The following LAMA2 variants were observed in gnomAD, a reference collection of about 807,000 sequenced individuals.
LAMA2 encodes laminin subunit alpha-2.
In LAMA2, 269 loss-of-function variants were observed where a neutral mutation model predicts 364.8. The observed-to-expected ratio is 0.74, with a 90% CI of 0.67 to 0.82. LAMA2 has a LOEUF of 0.82. Among genes scored for constraint, LAMA2 ranks in the 40% least tolerant of loss-of-function variants. The pLI, the probability that LAMA2 is intolerant of heterozygous loss-of-function variation, is 0.00. For missense variants in LAMA2, 3,807 were observed against 3,873.2 expected, an observed-to-expected ratio of 0.98 and a Z score of 0.45; for synonymous variants, 1,379 against 1,370.6, an observed-to-expected ratio of 1.01 and a Z score of -0.14.
intron 17 of LAMA2, among the ~76,000 whole-genome samples, chr6:129,274,093 A>G (rs1335666416): frequency 6.6e-6 from 1 of 151,914 alleles, no homozygotes; most frequent in East Asian, 1.9e-4. Context: ...TATAAATCCT[A>G]GAAGTTTTGT....
At chr6:129,005,006 A>G (rs1784356974) in intron 1 of LAMA2, among the ~76,000 whole-genome samples, 1 of 152,216 alleles carries the variant, frequency 6.6e-6, no homozygotes, top group South Asian at 2.1e-4. Context: ...TTTATAACAC[A>G]TCTGCTGAGT....
chr6:129,020,353 A>T (rs1785370247), intron 1 of LAMA2, among the ~76,000 whole-genome samples: 2 of 152,164 alleles, frequency 1.3e-5, no homozygotes, highest in African/African-American at 4.8e-5. Context: ...AATAAACTGG[A>T]CAGTTAGACA....
intron 40 of LAMA2, among the ~76,000 whole-genome samples, chr6:129,410,146 C>G (rs9321164): frequency 6.6e-6 from 1 of 151,694 alleles, no homozygotes; most frequent in Admixed American, 6.6e-5. Flanking sequence ...AGAATGAATT[C>G]CATAGTTCAG....
chr6:129,449,070 G>A (rs139507396), intron 45 of LAMA2, among the ~76,000 whole-genome samples: 1 of 152,182 alleles, frequency 6.6e-6, no homozygotes, highest in Admixed American at 6.5e-5. Flanking sequence ...AAAAGGAAAA[G>A]ACTACTGATT....
At chr6:128,895,890 A>C (rs1027038166) in intron 1 of LAMA2, among the ~76,000 whole-genome samples, 2 of 152,132 alleles carry the variant, frequency 1.3e-5, no homozygotes, top group Non-Finnish European at 2.9e-5. Flanking sequence ...AAGGTTTTGT[A>C]ATGTTGAGAA....
chr6:129,116,773 G>T (rs754433515), intron 4 of LAMA2, among the ~76,000 whole-genome samples: 1 of 151,904 alleles, frequency 6.6e-6, no homozygotes. Context: ...TTAAGGACTT[G>T]CAGGTTGTCT....
At chr6:129,432,946 G>A (rs1022258448) in intron 41 of LAMA2, among the ~76,000 whole-genome samples, 2 of 152,254 alleles carry the variant, frequency 1.3e-5, no homozygotes. Context: ...TGCTTATTGC[G>A]AACAAGATCT....
chr6:129,100,043 A>G (rs1239566383), intron 4 of LAMA2, among the ~76,000 whole-genome samples: 1 of 152,232 alleles, frequency 6.6e-6, no homozygotes, highest in Non-Finnish European at 1.5e-5. Flanking sequence ...AGACTATTCT[A>G]TACCTTTAAA....
intron 1 of LAMA2, among the ~76,000 whole-genome samples, chr6:129,034,152 C>G (rs1347724329): frequency 6.6e-6 from 1 of 152,020 alleles, no homozygotes. Flanking sequence ...TGAAGTTAGA[C>G]AAGAATCTAT....
chr6:129,472,701 T>C (rs1783872090), intron 51 of LAMA2, among the ~76,000 whole-genome samples: 1 of 152,016 alleles, frequency 6.6e-6, no homozygotes. Context: ...CACTTCCTTG[T>C]ACAACATCCC....
rs1267857678 is a variant in LAMA2 at position 129,416,074 on chromosome 6, A to G, written c.5866-11678A>G. 2.8e-4 allele frequency among the ~76,000 whole-genome samples: 24 copies of G among 85,692 alleles called. 6 individuals carry two copies. The highest frequency in any genetic ancestry group is 4.6e-4 in the South Asian group (1 of 2,176). 56.2% of individuals were successfully genotyped at this position (85,692 alleles called of 152,430 possible). On this transcript the variant is annotated intron_variant, in intron 40 of 64. Coordinates refer to ENST00000421865, the MANE Select transcript of LAMA2 (RefSeq NM_000426.4). ...CGCCATTCTCCTGCCTCAGCCTCCCAAGTAGCTGGGACTACAGGCGCCCGC... is the reference window on the plus strand; with the variant it reads ...CGCCATTCTCCTGCCTCAGCCTCCCGAGTAGCTGGGACTACAGGCGCCCGC...
intron 46 of LAMA2, among the ~76,000 whole-genome samples, chr6:129,453,373 T>A (rs1391406219): frequency 6.6e-6 from 1 of 152,208 alleles, no homozygotes; most frequent in Non-Finnish European, 1.5e-5. Context: ...CAGTATACCA[T>A]CATTTCTGTT....
chr6:129,514,513 G>C lies in LAMA2; in HGVS notation c.9129G>C (p.Gly3043=). 1 of 1,614,138 alleles carries C rather than the reference G, an allele frequency of 6.2e-7. No homozygotes were observed. Among genetic ancestry groups the C allele is most frequent in the African/African-American group, 1.3e-5 (1 of 75,038 alleles). The change falls in exon 64 of 65, where the codon GGG becomes GGC. Residue 3043 remains glycine, a synonymous_variant. Coordinates refer to ENST00000421865, the MANE Select transcript of LAMA2 (RefSeq NM_000426.4). ...ACCGCATTGAGCTCACAGTCGATGG[G>C]AACCAGGTGGAAGCCCAAAGCCCAA... The part of the protein sequence containing the change: ...IKHRIELTVD[G]NQVEAQSPNP...
intron 17 of LAMA2, among the ~76,000 whole-genome samples, chr6:129,273,965 T>C (rs1006024542): frequency 1.3e-5 from 2 of 151,700 alleles, no homozygotes; most frequent in Admixed American, 6.6e-5. Flanking sequence ...AATTACTAAA[T>C]AATAATTTTA....
intron 1 of LAMA2, among the ~76,000 whole-genome samples, chr6:128,907,010 C>A (rs1777527216): frequency 6.6e-6 from 1 of 150,422 alleles, no homozygotes; most frequent in Non-Finnish European, 1.5e-5. Flanking sequence ...TGTTTTGGTA[C>A]CAGTACCATG....
chr6:129,303,274 T>A (rs1174050328), intron 22 of LAMA2, among the ~76,000 whole-genome samples: 1 of 152,188 alleles, frequency 6.6e-6, no homozygotes, highest in East Asian at 1.9e-4. Context: ...ATACAATTAT[T>A]TTTATACCTT....
At chr6:129,503,411 G>A in intron 60 of LAMA2, 131 bp downstream of exon 60, 1 of 831,114 alleles carries the variant, frequency 1.2e-6, no homozygotes, top group Non-Finnish European at 2.0e-6. Context: ...TAAAATAAGT[G>A]CCATATACAA....
At chr6:129,274,414 C>T (rs1372968635) in intron 17 of LAMA2, among the ~76,000 whole-genome samples, 1 of 149,986 alleles carries the variant, frequency 6.7e-6, no homozygotes, top group Non-Finnish European at 1.5e-5. Context: ...ACAGGTTATT[C>T]AGAGAAAAAA....
At chr6:129,010,204 A>G (rs1263613639) in intron 1 of LAMA2, among the ~76,000 whole-genome samples, 1 of 152,204 alleles carries the variant, frequency 6.6e-6, no homozygotes, top group Non-Finnish European at 1.5e-5. Flanking sequence ...GATCCTGCAT[A>G]TATCTTGGGA....
Sources: gnomAD v4.1 joint callset for allele counts (sites outside exome capture counted in the v4.1 genomes callset) on GRCh38, gnomAD v4.1.1 for gene constraint, MANE v1.5 for transcripts, NCBI Gene and HGNC (gene_info 2026-07-23, HGNC 2026-07-21) for gene names.